Variants in SGSM2 observed in about 807,000 individuals in gnomAD.
The protein encoded by SGSM2 is RUN and TBC1 domain containing 1.
In SGSM2, 89 loss-of-function variants were observed where a neutral mutation model predicts 126.6. That is an observed-to-expected ratio of 0.70 (90% CI 0.59 to 0.84). The LOEUF (loss-of-function observed/expected upper bound fraction) is 0.84, where lower values mean the gene tolerates loss of function less well. Among genes scored for constraint, SGSM2 ranks in the 40% least tolerant of loss-of-function variants. The probability of loss-of-function intolerance (pLI) is 0.00; values close to 1 mark genes in which losing one functional copy is unlikely to be tolerated. For missense variants in SGSM2, 1,404 were observed against 1,416.6 expected (o/e 0.99, Z 0.14); for synonymous variants, 614 against 574.3 (o/e 1.07, Z -0.99).
chr17:2,372,793 T>C lies in SGSM2; in HGVS notation c.1789-160T>C. On this transcript the variant is annotated intron_variant, in intron 15 of 23. Coordinates refer to ENST00000268989, the MANE Select transcript of SGSM2 (RefSeq NM_014853.3). The surrounding 1 kb of genome is among the most constrained non-coding windows in gnomAD (Gnocchi z 6.0). ...AACGAGATCTCATCCCACTGTGAGCTGGGGCACGGGAGGACGTGGCCACCC... is the reference window on the plus strand; with the variant it reads ...AACGAGATCTCATCCCACTGTGAGCCGGGGCACGGGAGGACGTGGCCACCC... 1.0e-6 allele frequency: 1 copy of C among 999,190 alleles called. No individual in the cohort carries two copies. The allele number at this position is 999,190 out of a possible 1,614,324, so 61.9% of individuals were successfully genotyped here.
At chr17:2,340,361 C>G (rs2064295035) in intron 1 of SGSM2, among the ~76,000 whole-genome samples, 1 of 152,010 alleles carries the variant, frequency 6.6e-6, no homozygotes, top group Non-Finnish European at 1.5e-5. Context: ...CTTGGCCTCC[C>G]AAGGTGCTGG....
At chr17:2,364,405 G>A in intron 8 of SGSM2, 191 bp from the exon 9 acceptor site, 1 of 812,674 alleles carries the variant, frequency 1.2e-6, no homozygotes, top group Non-Finnish European at 2.0e-6. Flanking sequence ...CTCAGCGGCT[G>A]AGACGGACAG....
chr17:2,343,963 G>A (rs575782499), intron 2 of SGSM2, among the ~76,000 whole-genome samples: 69 of 152,264 alleles, frequency 4.5e-4, no homozygotes, highest in African/African-American at 1.6e-3. Flanking sequence ...TTTGAGAGCC[G>A]CTGCCCTAGG....
At chr17:2,378,801 T>C (rs1280803999) in intron 22 of SGSM2, among the ~76,000 whole-genome samples, 1 of 152,176 alleles carries the variant, frequency 6.6e-6, no homozygotes, top group Non-Finnish European at 1.5e-5. Flanking sequence ...CCCCCATTCC[T>C]GAGCCAGGCT....
In SGSM2 at chr17:2,362,851, A is replaced by G. The variant is rs187266123; in HGVS notation, c.472A>G (p.Lys158Glu). Residue 158 changes from lysine (K) to glutamate (E), a missense_variant, in exon 5 of 24, where the codon AAG (lysine) becomes GAG (glutamate). Coordinates refer to ENST00000268989, the MANE Select transcript of SGSM2 (RefSeq NM_014853.3). The surrounding 1 kb of genome is among the most constrained non-coding windows in gnomAD (Gnocchi z 4.9). ...GTCTCCTGGCAGCAAGTACTACGAG[A>G]AGGAGGCACTGCTGGCAGACCCTGT... is the stretch of plus-strand genomic sequence containing the variant. ...LAENCSKYYE[K>E]EALLADPVFG... is the part of the protein sequence containing the mutation. 22 of 1,614,058 alleles carry G rather than the reference A, an allele frequency of 1.4e-5. No individual in the cohort carries two copies. The highest frequency in any genetic ancestry group is 3.3e-5 in the Admixed American group (2 of 60,026).
At chr17:2,349,274 G>T (rs550432078) in intron 2 of SGSM2, among the ~76,000 whole-genome samples, 235 of 152,232 alleles carry the variant, frequency 1.5e-3, no homozygotes, top group African/African-American at 5.4e-3. Context: ...TCTTTGGGAG[G>T]CTGAGGCAGG....
intron 8 of SGSM2, 79 bp downstream of exon 8, chr17:2,364,262 G>T: frequency 6.4e-7 from 1 of 1,571,192 alleles, no homozygotes. Context: ...GAGAAACCCC[G>T]CTTGCTCCAG....
rs774854103 is a variant in SGSM2, at chr17:2,362,872, C to G, written c.493C>G (p.Pro165Ala). 2.5e-6 allele frequency: 4 copies of G among 1,614,072 alleles called. No individual in the cohort carries two copies. Among genetic ancestry groups the G allele is most frequent in the Non-Finnish European group, 3.4e-6 (4 of 1,180,042 alleles). The change falls in exon 5 of 24, where the codon CCT becomes GCT. Residue 165 changes from proline to alanine, a missense_variant. Physicochemically the swap from Pro to Ala is conservative, Grantham distance 27. Transcript: ENST00000268989. The surrounding 1 kb of genome is among the most constrained non-coding windows in gnomAD (Gnocchi z 4.9). ...CGAGAAGGAGGCACTGCTGGCAGAC[C>G]CTGTGTTCGGCCCGATCCTGGCCTC... ...YYEKEALLAD[P>A]VFGPILASLL...
Position 2,380,509 on chromosome 17 carries a change from A to G in SGSM2, c.*989A>G, listed in dbSNP as rs2066367800. The stretch of plus-strand genomic sequence containing the variant: ...GGTGTCCCCATCTGTCCCTGGTGAG[A>G]AGCAAGGCTAGCTCTGCCTTCCACA... On this transcript the variant is annotated 3_prime_UTR_variant, in exon 24 of 24. Coordinates refer to ENST00000268989, the MANE Select transcript of SGSM2 (RefSeq NM_014853.3). 4.9e-6 allele frequency: 3 copies of G among 611,508 alleles called. No homozygotes were observed. The South Asian group carries it at 5.7e-5, about 12-fold the overall frequency. The allele number at this position is 611,508 out of a possible 1,614,324, so 37.9% of individuals were successfully genotyped here.
intron 2 of SGSM2, among the ~76,000 whole-genome samples, chr17:2,351,063 G>A (rs191129947): frequency 6.6e-6 from 1 of 152,228 alleles, no homozygotes; most frequent in East Asian, 1.9e-4. Context: ...GACCAGCCTG[G>A]CCATCATGGT....
chr17:2,361,684 G>A lies in SGSM2; in HGVS notation c.181G>A (p.Gly61Ser). The A allele has an allele frequency of 6.2e-7, 1 of 1,614,008 alleles. No homozygotes were observed. The highest frequency in any genetic ancestry group is 8.5e-7 in the Non-Finnish European group (1 of 1,180,012). ...GCATCAGCTGAGACGCCGTGCCGCT[G>A]GCTTCCTGCGCAGTGACAAGATGGC... Reference protein sequence around the residue: ...LLHQLRRRAAGFLRSDKMAAL... With the variant: ...LLHQLRRRAASFLRSDKMAAL... Residue 61 changes from glycine to serine, a missense_variant, in exon 3 of 24, where the codon GGC (glycine) becomes AGC (serine). Gly to Ser is a moderately conservative substitution (Grantham distance 56). Transcript: ENST00000268989.
chr17:2,345,982 G>A (rs902523427), intron 2 of SGSM2, among the ~76,000 whole-genome samples: 8 of 152,156 alleles, frequency 5.3e-5, no homozygotes, highest in Admixed American at 2.0e-4. Flanking sequence ...GGGGGACGGG[G>A]AGGGAAGACT....
At chr17:2,370,803 G>C (rs1450121490) in intron 12 of SGSM2, among the ~76,000 whole-genome samples, 1 of 152,244 alleles carries the variant, frequency 6.6e-6, no homozygotes, top group Non-Finnish European at 1.5e-5. Flanking sequence ...CTGGAGGGGA[G>C]CGTTCAGAGT....
chr17:2,339,090 T>G (rs759573269), intron 1 of SGSM2, among the ~76,000 whole-genome samples: 9 of 149,832 alleles, frequency 6.0e-5, no homozygotes, highest in Non-Finnish European at 1.2e-4. Context: ...AGCTGAGCCG[T>G]AATTAGAGTT....
rs774948484 is a variant in SGSM2, at chr17:2,379,496, G to A, written c.3132G>A (p.Val1044=). The A allele has an allele frequency of 2.5e-6, 4 of 1,613,392 alleles. No homozygotes were observed. The South Asian group carries it at 4.4e-5, about 18-fold the overall frequency. ...TTGCCCGGGACCTCGTCCACAAGGT[G>A]CAGATGCTCATAGAGAACAAGTGAG... is the stretch of plus-strand genomic sequence containing the variant. ...LRIARDLVHK[V]QMLIENK Residue 1044 remains valine (V), a synonymous_variant, in exon 24 of 24, where the codon GTG becomes GTA. Coordinates refer to ENST00000268989, the MANE Select transcript of SGSM2 (RefSeq NM_014853.3).
chr17:2,348,078 C>T (rs946411387), intron 2 of SGSM2, among the ~76,000 whole-genome samples: 4 of 152,186 alleles, frequency 2.6e-5, no homozygotes, highest in South Asian at 2.1e-4. Flanking sequence ...CCGGGAATAA[C>T]ATCAGGCTTT....
intron 2 of SGSM2, among the ~76,000 whole-genome samples, chr17:2,345,885 C>T (rs543072803): frequency 2.0e-5 from 3 of 152,214 alleles, no homozygotes; most frequent in East Asian, 1.9e-4. Flanking sequence ...AACTGAGGCT[C>T]GTTGAAAGCA....
Position 2,380,175 on chromosome 17 carries a change from G to T in SGSM2, c.*655G>T. The T allele has an allele frequency of 6.7e-7, 1 of 1,497,106 alleles. No homozygotes were observed. The highest frequency in any genetic ancestry group is 1.3e-5 in the South Asian group (1 of 79,642). 92.7% of individuals were successfully genotyped at this position (1,497,106 alleles called of 1,614,324 possible). ...GCCACTGCCTTTGGCCACCTGAGGT[G>T]ACCCCCAGGCCTCCCCGGCCTTGTA... On this transcript the variant is annotated 3_prime_UTR_variant, in exon 24 of 24. Coordinates refer to ENST00000268989, the MANE Select transcript of SGSM2 (RefSeq NM_014853.3).
At chr17:2,357,897 A>G (rs1597343324) in intron 2 of SGSM2, among the ~76,000 whole-genome samples, 2 of 152,288 alleles carry the variant, frequency 1.3e-5, no homozygotes, top group Middle Eastern at 3.4e-3. Context: ...ATTTTTTCTC[A>G]TATGAAATAA....
Sources: allele counts gnomAD v4.1 joint callset (sites outside exome capture counted in the v4.1 genomes callset), GRCh38; gene constraint gnomAD v4.1.1; non-coding constraint Gnocchi (gnomAD v3.1); transcripts MANE v1.5; gene names NCBI Gene and HGNC (gene_info 2026-07-23, HGNC 2026-07-21).